Variants in CFAP206 observed in about 807,000 individuals in gnomAD.
CFAP206 encodes cilia and flagella associated protein 206.
Under a neutral mutation model 65.4 loss-of-function variants are expected in CFAP206, and 53 were observed. That is an observed-to-expected ratio of 0.81 (90% CI 0.65 to 1.02). The LOEUF is 1.02. CFAP206 is among the 50% of genes least tolerant of loss of function. The pLI is 0.00. For missense variants in CFAP206, 663 were observed against 753.2 expected (o/e 0.88, Z 1.40); for synonymous variants, 250 against 254.4 (o/e 0.98, Z 0.17).
chr6:87,444,022 A>C (rs763839779), intron 11 of CFAP206, among the ~76,000 whole-genome samples: 1 of 152,066 alleles, frequency 6.6e-6, no homozygotes, highest in Non-Finnish European at 1.5e-5. Context: ...TCTTCTTTAG[A>C]TTGTAGGTTA....
intron 11 of CFAP206, among the ~76,000 whole-genome samples, chr6:87,438,984 C>T (rs977527352): frequency 1.3e-5 from 2 of 152,080 alleles, no homozygotes; most frequent in African/African-American, 4.8e-5. Context: ...ATCCTAATAC[C>T]ACACTGCTTT....
At chr6:87,409,397 G>C (rs9444496) in intron 1 of CFAP206, among the ~76,000 whole-genome samples, 46,887 of 151,686 alleles carry the variant, frequency 0.31, 7,477 homozygotes, top group African/African-American at 0.39. Flanking sequence ...ATTTTTAGTA[G>C]AGACGGGGTT....
intron 11 of CFAP206, among the ~76,000 whole-genome samples, chr6:87,454,924 T>C (rs557428372): frequency 6.6e-6 from 1 of 151,510 alleles, no homozygotes; most frequent in Non-Finnish European, 1.5e-5. Flanking sequence ...TTTATTTTTT[T>C]ATTTTTTATT....
At chr6:87,418,075 G>A (rs1323367063) in intron 6 of CFAP206, 133 bp from the exon 7 acceptor site, 16 of 773,098 alleles carry the variant, frequency 2.1e-5, no homozygotes, top group Non-Finnish European at 3.3e-5. Flanking sequence ...GGAAACACAT[G>A]CCTCATTATT....
intron 10 of CFAP206, among the ~76,000 whole-genome samples, chr6:87,434,507 T>TC (rs1197112696): frequency 4.0e-5 from 6 of 149,734 alleles, no homozygotes; most frequent in East Asian, 1.9e-4. Flanking sequence ...TTTTTCTTTT[T>TC]TTTTTTTTTT....
intron 11 of CFAP206, among the ~76,000 whole-genome samples, chr6:87,459,995 TTG>T (rs1768716315): frequency 6.6e-6 from 1 of 152,232 alleles, no homozygotes; most frequent in African/African-American, 2.4e-5. Context: ...TGCCATTTAC[TTG>T]TATGGTACAG....
In CFAP206 at chr6:87,409,827, T is replaced by C. The variant is rs1367140967; in HGVS notation, c.-5-8T>C. 4 of 1,580,814 alleles carry C rather than the reference T, an allele frequency of 2.5e-6. No individual in the cohort carries two copies. Among genetic ancestry groups the C allele is most frequent in the Middle Eastern group, 1.7e-4 (1 of 6,014 alleles). The stretch of plus-strand genomic sequence containing the variant: ...GGTTTTTTTAAAAAAAATTGTTGTT[T>C]TATTTAGCCAGAATGCCTCCAACTC... On this transcript the variant is annotated splice_polypyrimidine_tract_variant and splice_region_variant and intron_variant, in intron 1 of 12. Coordinates refer to ENST00000369562, the MANE Select transcript of CFAP206 (RefSeq NM_001031743.3).
chr6:87,445,142 C>T, intron 11 of CFAP206: 1 of 382,930 alleles, frequency 2.6e-6, no homozygotes, highest in Non-Finnish European at 5.0e-6. Flanking sequence ...CGTAATCCAT[C>T]ATCTGTTATA....
At chr6:87,453,417 C>T (rs924260013) in intron 11 of CFAP206, among the ~76,000 whole-genome samples, 2 of 152,032 alleles carry the variant, frequency 1.3e-5, no homozygotes, top group African/African-American at 2.4e-5. Flanking sequence ...ATAGTAAGTA[C>T]ACAAATACAA....
At chr6:87,440,218 A>C (rs1432503671) in intron 11 of CFAP206, among the ~76,000 whole-genome samples, 1 of 152,068 alleles carries the variant, frequency 6.6e-6, no homozygotes, top group Non-Finnish European at 1.5e-5. Context: ...TTTTGTTGCT[A>C]TTTTAAATGC....
intron 11 of CFAP206, among the ~76,000 whole-genome samples, chr6:87,449,544 T>C (rs1768506153): frequency 6.6e-6 from 1 of 151,996 alleles, no homozygotes. Context: ...AATGAGATGA[T>C]AGCTGATTGT....
intron 11 of CFAP206, among the ~76,000 whole-genome samples, chr6:87,450,181 GT>G (rs1407619737): frequency 1.3e-5 from 2 of 152,102 alleles, no homozygotes; most frequent in African/African-American, 4.8e-5. Context: ...TAGTCTCTGT[GT>G]TTTTATGCGA....
intron 11 of CFAP206, among the ~76,000 whole-genome samples, chr6:87,455,432 A>G (rs1768621391): frequency 6.6e-6 from 1 of 152,202 alleles, no homozygotes; most frequent in African/African-American, 2.4e-5. Flanking sequence ...CCAAGCATGC[A>G]TCTTAAAAAA....
chr6:87,420,685 CATT>C (rs1458355257), intron 7 of CFAP206, among the ~76,000 whole-genome samples: 6 of 152,146 alleles, frequency 3.9e-5, no homozygotes, highest in Admixed American at 1.3e-4. Flanking sequence ...TCATCATCAT[CATT>C]GTTAGGGCCT....
intron 6 of CFAP206, among the ~76,000 whole-genome samples, chr6:87,417,101 A>T (rs969585080): frequency 6.6e-6 from 1 of 152,232 alleles, no homozygotes; most frequent in Non-Finnish European, 1.5e-5. Flanking sequence ...CTCCCAGTTC[A>T]GCAGGGCTTT....
intron 11 of CFAP206, among the ~76,000 whole-genome samples, chr6:87,455,726 A>G (rs892015192): frequency 3.3e-5 from 5 of 152,208 alleles, no homozygotes; most frequent in African/African-American, 1.2e-4. Flanking sequence ...AGAGGCTACT[A>G]TTAGCAACTA....
At chr6:87,418,024 CA>C (rs1263090977) in intron 6 of CFAP206, among the ~76,000 whole-genome samples, 183 bp from the exon 7 acceptor site, 1 of 152,104 alleles carries the variant, frequency 6.6e-6, no homozygotes, top group Non-Finnish European at 1.5e-5. Flanking sequence ...AGGTGTGAGC[CA>C]CCACCCCCGG....
chr6:87,409,286 G>A (rs1767685949), intron 1 of CFAP206, among the ~76,000 whole-genome samples: 1 of 150,968 alleles, frequency 6.6e-6, no homozygotes, highest in African/African-American at 2.4e-5. Flanking sequence ...GAGTGCAATG[G>A]CACCGCAACC....
chr6:87,437,227 C>A (rs1005338298), intron 11 of CFAP206, among the ~76,000 whole-genome samples: 6 of 152,200 alleles, frequency 3.9e-5, no homozygotes, highest in African/African-American at 1.4e-4. Flanking sequence ...CTTGGCCTCC[C>A]AAAGTGCTGG....
Sources: gnomAD v4.1 joint callset for allele counts (sites outside exome capture counted in the v4.1 genomes callset) on GRCh38, gnomAD v4.1.1 for gene constraint, MANE v1.5 for transcripts, NCBI Gene and HGNC (gene_info 2026-07-23, HGNC 2026-07-21) for gene names.